The following RABEP1 variants were observed in gnomAD, a reference collection of about 807,000 sequenced individuals.
The protein encoded by RABEP1 is rab GTPase-binding effector protein 1.
RABEP1 carries 51 observed loss-of-function variants against 123.4 expected under a neutral mutation model. The ratio of observed to expected loss-of-function variants is 0.41; its 90% confidence interval spans 0.33 to 0.52. The LOEUF is 0.52. Ranked by LOEUF, RABEP1 falls within the 20% of genes least tolerant of loss-of-function variation. The probability of loss-of-function intolerance (pLI) is 0.16; values close to 1 mark genes in which losing one functional copy is unlikely to be tolerated. For synonymous variants in RABEP1, 347 were observed against 355.2 expected, an observed-to-expected ratio of 0.98 and a Z score of 0.26; for missense variants, 888 against 996.3, an observed-to-expected ratio of 0.89 and a Z score of 1.46.
At chr17:5,379,907 T>C (rs1388968813) in intron 15 of RABEP1, among the ~76,000 whole-genome samples, 1 of 152,210 alleles carries the variant, frequency 6.6e-6, no homozygotes, top group Non-Finnish European at 1.5e-5. Context: ...GCTCCCAACG[T>C]GCTGTGCTGT....
intron 1 of RABEP1, among the ~76,000 whole-genome samples, chr17:5,301,639 C>T (rs2075135815): frequency 6.6e-6 from 1 of 152,216 alleles, no homozygotes; most frequent in South Asian, 2.1e-4. Context: ...CGTTGTGGCA[C>T]AAACTCCTTA....
chr17:5,354,551 A>T lies in RABEP1; in HGVS notation c.1095+61A>T. The T allele has an allele frequency of 3.4e-6, 5 of 1,469,750 alleles. No homozygotes were observed. In the South Asian group the frequency reaches 6.6e-5, roughly 19 times the overall value. The allele number at this position is 1,469,750 out of a possible 1,614,324, so 91.0% of individuals were successfully genotyped here. ...CAATGTCAACAATTTTAGCTTACTC[A>T]TACATCAGTTAATTACATTGTTCAT... is the stretch of plus-strand genomic sequence containing the variant. On this transcript the variant is annotated intron_variant, in intron 8 of 17. Coordinates refer to ENST00000537505, the MANE Select transcript of RABEP1 (RefSeq NM_004703.6).
At chr17:5,342,238 AAAAG>A (rs1476172630) in intron 5 of RABEP1, among the ~76,000 whole-genome samples, 3 of 152,368 alleles carry the variant, frequency 2.0e-5, no homozygotes, top group African/African-American at 7.2e-5. Flanking sequence ...AAAAAAAAGA[AAAAG>A]AAAAACTAGT....
intron 12 of RABEP1, among the ~76,000 whole-genome samples, chr17:5,372,760 T>A (rs1187326370): frequency 3.1e-5 from 2 of 64,316 alleles, no homozygotes; most frequent in Admixed American, 1.5e-4. Flanking sequence ...AAAATATTAA[T>A]TTTTTTTTTT....
chr17:5,344,024 G>T (rs1174671333), intron 5 of RABEP1, among the ~76,000 whole-genome samples: 1 of 152,126 alleles, frequency 6.6e-6, no homozygotes, highest in East Asian at 1.9e-4. Context: ...AGGAAAACTG[G>T]CAAGTTTAGC....
chr17:5,318,879 G>C (rs2075324116), intron 2 of RABEP1, among the ~76,000 whole-genome samples: 1 of 152,138 alleles, frequency 6.6e-6, no homozygotes, highest in Non-Finnish European at 1.5e-5. Context: ...CATTTGTGTA[G>C]GTACGCAAGA....
chr17:5,289,035 G>A (rs2075006432), intron 1 of RABEP1, among the ~76,000 whole-genome samples: 2 of 152,228 alleles, frequency 1.3e-5, no homozygotes, highest in South Asian at 4.1e-4. Flanking sequence ...TGCACTTCCA[G>A]GATAGGAATT....
At chr17:5,368,804 C>G (rs569041220) in intron 12 of RABEP1, among the ~76,000 whole-genome samples, 13 of 152,270 alleles carry the variant, frequency 8.5e-5, no homozygotes, top group African/African-American at 3.1e-4. Flanking sequence ...GCTGGTACAG[C>G]TTTTGACCAG....
chr17:5,340,005 C>T (rs1389885236), intron 5 of RABEP1, among the ~76,000 whole-genome samples: 1 of 152,116 alleles, frequency 6.6e-6, no homozygotes, highest in Non-Finnish European at 1.5e-5. Context: ...ATGCACCTTA[C>T]ATAGTCATGA....
chr17:5,382,105 G>A (rs943692415), intron 17 of RABEP1, among the ~76,000 whole-genome samples: 5 of 149,560 alleles, frequency 3.3e-5, no homozygotes, highest in Non-Finnish European at 5.9e-5. Flanking sequence ...TTTTGGAGAC[G>A]GAGTCATGCT....
chr17:5,284,655 G>C (rs1391540909), intron 1 of RABEP1, among the ~76,000 whole-genome samples: 2 of 151,652 alleles, frequency 1.3e-5, no homozygotes, highest in Middle Eastern at 3.2e-3. Flanking sequence ...TTGTAGATAC[G>C]GCGTTTTGCC....
chr17:5,365,070 A>G (rs1202180031), intron 10 of RABEP1, 52 bp from the exon 11 acceptor site: 3 of 1,277,314 alleles, frequency 2.3e-6, no homozygotes, highest in Non-Finnish European at 3.3e-6. Flanking sequence ...TTAAAAAAAA[A>G]AAAATTATAA....
rs907201661 is a variant in RABEP1, at chr17:5,289,508, A to G, written c.34+6988A>G. On this transcript the variant is annotated intron_variant, in intron 1 of 17. Coordinates refer to ENST00000537505, the MANE Select transcript of RABEP1 (RefSeq NM_004703.6). ...AACTCTCATGTTTATTTAAAGAGAA[A>G]AAACCTTATCATTTTCAACACTTGT... Among the ~76,000 whole-genome samples the G allele has an allele frequency of 7.9e-5, 12 of 151,822 alleles. No individual in the cohort carries two copies. In the South Asian group the frequency reaches 2.5e-3, roughly 32 times the overall value.
intron 1 of RABEP1, among the ~76,000 whole-genome samples, chr17:5,296,475 G>A (rs190456330): frequency 2.6e-5 from 4 of 152,210 alleles, no homozygotes; most frequent in African/African-American, 4.8e-5. Flanking sequence ...TGATGAGGCC[G>A]GTCTCAAACT....
intron 1 of RABEP1, among the ~76,000 whole-genome samples, chr17:5,286,484 ACT>A (rs918216909): frequency 2.0e-5 from 3 of 150,500 alleles, no homozygotes; most frequent in African/African-American, 7.3e-5. Flanking sequence ...ACAGAGTGAG[ACT>A]CTGTCTCAAA....
chr17:5,350,151 C>T (rs531056867), intron 6 of RABEP1, among the ~76,000 whole-genome samples: 4 of 152,168 alleles, frequency 2.6e-5, no homozygotes, highest in Non-Finnish European at 2.9e-5. Context: ...GAGGCCGAGA[C>T]GGGCGGATCA....
At chr17:5,288,813 C>A (rs546406495) in intron 1 of RABEP1, among the ~76,000 whole-genome samples, 2 of 152,144 alleles carry the variant, frequency 1.3e-5, no homozygotes, top group Non-Finnish European at 2.9e-5. Flanking sequence ...AGGCGATTCT[C>A]GTGCCTCAGC....
At chr17:5,351,281 T>C (rs1908528497) in intron 7 of RABEP1, among the ~76,000 whole-genome samples, 2 of 152,028 alleles carry the variant, frequency 1.3e-5, no homozygotes, top group Non-Finnish European at 2.9e-5. Flanking sequence ...ATGAATAATA[T>C]ATATATTTAT....
In RABEP1 at chr17:5,337,960, A is replaced by G; in HGVS notation, c.529-59A>G. 2.0e-6 allele frequency: 3 copies of G among 1,535,218 alleles called. No homozygotes were observed. In the Admixed American group the frequency reaches 6.3e-5, roughly 32 times the overall value. On this transcript the variant is annotated intron_variant, in intron 4 of 17. Transcript: ENST00000537505. ...AATTTTTAGCAAATGGAAGGGTTAG[A>G]GTTTCTTAGAAAAGCAGTAAATGAA... is the stretch of plus-strand genomic sequence containing the variant.
Sources: gnomAD v4.1 joint callset for allele counts (sites outside exome capture counted in the v4.1 genomes callset) on GRCh38, gnomAD v4.1.1 for gene constraint, MANE v1.5 for transcripts, NCBI Gene and HGNC (gene_info 2026-07-23, HGNC 2026-07-21) for gene names.